The following PADI1 variants were observed in gnomAD, a reference collection of about 807,000 sequenced individuals.
PADI1 encodes protein-arginine deiminase type-1.
A neutral mutation model predicts 74.8 loss-of-function variants in PADI1; 65 were observed. That is an observed-to-expected ratio of 0.87 (90% CI 0.71 to 1.07). The LOEUF (loss-of-function observed/expected upper bound fraction) is 1.07. Ranked by LOEUF, PADI1 falls within the 50% of genes least tolerant of loss-of-function variation. PADI1 has a pLI of 0.00. For missense variants in PADI1, 943 were observed against 854.0 expected (o/e 1.10, Z -1.30); for synonymous variants, 371 against 336.2 (o/e 1.10, Z -1.13).
At chr1:17,240,583 C>A in intron 14 of PADI1, 52 bp from the exon 15 acceptor site, 1 of 1,595,534 alleles carries the variant, frequency 6.3e-7, no homozygotes, top group South Asian at 1.1e-5. Context: ...AGGTGCTTGG[C>A]CAGTGTTATG....
chr1:17,240,318 T>C (rs2072747990), intron 14 of PADI1: 1 of 274,544 alleles, frequency 3.6e-6, no homozygotes, highest in African/African-American at 2.2e-5. Flanking sequence ...TCTCCTAAGC[T>C]GCTGAGAAGG....
chr1:17,222,173 A>G, intron 1 of PADI1, 117 bp from the exon 2 acceptor site: 2 of 689,664 alleles, frequency 2.9e-6, no homozygotes, highest in Non-Finnish European at 5.0e-6. Context: ...CCCCAGCCTG[A>G]CTGTTGAGGG....
Position 17,222,432 on chromosome 1 carries a change from T to C in PADI1, c.235T>C (p.Ser79Pro). Reference sequence around the variant, plus strand: ...AGACACTGATGCAGACATGGTCGTATCTGTGGGCACAGCCAGTAAGGAATT... The same window carrying C: ...AGACACTGATGCAGACATGGTCGTACCTGTGGGCACAGCCAGTAAGGAATT... ...PLDTDADMVV[S>P]VGTASKELKD... Residue 79 changes from serine (S) to proline (P), a missense_variant, in exon 2 of 16, where the codon TCT becomes CCT. Ser to Pro is a moderately conservative substitution (Grantham distance 74). Coordinates refer to ENST00000375471, the MANE Select transcript of PADI1 (RefSeq NM_013358.3). The C allele has an allele frequency of 6.2e-7, 1 of 1,614,120 alleles. No homozygotes were observed. The highest frequency in any genetic ancestry group is 8.5e-7 in the Non-Finnish European group (1 of 1,179,994).
At chr1:17,220,132 T>G (rs2072096398) in intron 1 of PADI1, among the ~76,000 whole-genome samples, 1 of 143,868 alleles carries the variant, frequency 7.0e-6, no homozygotes. Flanking sequence ...GAGTGGGGGA[T>G]GGGGGAGGTG....
intron 10 of PADI1, 53 bp downstream of exon 10, chr1:17,230,732 G>A (rs1465815504): frequency 4.3e-5 from 44 of 1,021,468 alleles, no homozygotes; most frequent in Admixed American, 1.6e-4. Flanking sequence ...TCCTGGAGGC[G>A]CACCAGTGAA....
At position 17,230,180 on chromosome 1, in the gene PADI1, T is replaced by G. The variant is rs796333013; in HGVS notation, c.1025T>G (p.Val342Gly). 1.2e-6 allele frequency: 2 copies of G among 1,614,016 alleles called. No individual in the cohort carries two copies. Among genetic ancestry groups the G allele is most frequent in the South Asian group, 2.2e-5 (2 of 91,076 alleles). The change falls in exon 9 of 16, where the codon GTT becomes GGT. Residue 342 changes from valine (V) to glycine (G), a missense_variant. By Grantham distance (109) the Val-to-Gly change is moderately radical. Transcript: ENST00000375471. The stretch of plus-strand genomic sequence containing the variant: ...TGCAAGCTGACCATCTGCCCTCAAG[T>G]TGAAAATCGAAATGACCGCTGGATC... Reference protein sequence around the residue: ...ANCKLTICPQVENRNDRWIQD... With the variant: ...ANCKLTICPQGENRNDRWIQD...
At chr1:17,226,944 C>T (rs1374175557) in intron 6 of PADI1, among the ~76,000 whole-genome samples, 1 of 151,322 alleles carries the variant, frequency 6.6e-6, no homozygotes, top group Non-Finnish European at 1.5e-5. Context: ...CCAGCTGCTC[C>T]GGAGGTTAAG....
intron 15 of PADI1, among the ~76,000 whole-genome samples, chr1:17,241,379 C>T (rs1269219490): frequency 6.6e-6 from 1 of 152,280 alleles, no homozygotes; most frequent in Non-Finnish European, 1.5e-5. Flanking sequence ...AGGGATGGTC[C>T]CCCGGGATGG....
chr1:17,218,560 T>C (rs1300520827), intron 1 of PADI1, among the ~76,000 whole-genome samples: 1 of 151,994 alleles, frequency 6.6e-6, no homozygotes, highest in Non-Finnish European at 1.5e-5. Context: ...GACAGGTCAA[T>C]GAGGGGAAGA....
chr1:17,244,298 T>C lies in PADI1; in HGVS notation c.*55T>C. On this transcript the variant is annotated 3_prime_UTR_variant, in exon 16 of 16. Transcript: ENST00000375471. Reference sequence around the variant, plus strand: ...CTCTTGCTAGGGAACCCTGCCAGGGTGAAGGCAAGGAACAACCACCTGGCC... The same window carrying C: ...CTCTTGCTAGGGAACCCTGCCAGGGCGAAGGCAAGGAACAACCACCTGGCC... 7.2e-7 allele frequency: 1 copy of C among 1,383,950 alleles called. No individual in the cohort carries two copies. The highest frequency in any genetic ancestry group is 1.0e-6 in the Non-Finnish European group (1 of 970,770). The allele number at this position is 1,383,950 out of a possible 1,614,324, so 85.7% of individuals were successfully genotyped here. A position where few individuals can be genotyped will look rare whatever the true frequency, so the allele number is the denominator to read the frequency against.
chr1:17,213,853 G>T (rs765773416), intron 1 of PADI1, among the ~76,000 whole-genome samples: 2 of 152,184 alleles, frequency 1.3e-5, no homozygotes, highest in African/African-American at 4.8e-5. Context: ...CGCCCTCCGC[G>T]TCTCCTTTTG....
chr1:17,209,161 G>C lies in PADI1; in HGVS notation c.92+3852G>C, dbSNP rs16823615. 7.9e-5 allele frequency among the ~76,000 whole-genome samples: 12 copies of C among 152,252 alleles called. 2 individuals are homozygous for C. The highest frequency in any genetic ancestry group is 5.9e-4 in the Admixed American group (9 of 15,302). On this transcript the variant is annotated intron_variant, in intron 1 of 15. Coordinates refer to ENST00000375471, the MANE Select transcript of PADI1 (RefSeq NM_013358.3). ...TCGAGTAAATTAATGCTTTTAACTC[G>C]CACAGAAGAACAATGAGGCATAATT...
chr1:17,217,013 G>A (rs1350137794), intron 1 of PADI1, among the ~76,000 whole-genome samples: 1 of 140,850 alleles, frequency 7.1e-6, no homozygotes, highest in East Asian at 2.0e-4. Context: ...GAAAGGAGGA[G>A]AGGAGAGGGG....
intron 11 of PADI1, 23 bp downstream of exon 11, chr1:17,232,993 G>T: frequency 6.3e-7 from 1 of 1,578,100 alleles, no homozygotes; most frequent in African/African-American, 1.3e-5. Flanking sequence ...GGCGGGAGGT[G>T]GGGAGGCACA....
chr1:17,208,348 G>T (rs74492804), intron 1 of PADI1, among the ~76,000 whole-genome samples: 49 of 151,864 alleles, frequency 3.2e-4, no homozygotes, highest in African/African-American at 1.2e-3. Flanking sequence ...AGGAATCCTC[G>T]ACTCAGCATG....
chr1:17,240,824 G>C (rs1029417298), intron 15 of PADI1, 64 bp downstream of exon 15: 1 of 1,573,932 alleles, frequency 6.4e-7, no homozygotes, highest in African/African-American at 1.3e-5. Context: ...AGCACTCCCT[G>C]GCCCAGGGCA....
intron 1 of PADI1, among the ~76,000 whole-genome samples, chr1:17,218,601 T>C (rs2072042924): frequency 6.6e-6 from 1 of 152,098 alleles, no homozygotes; most frequent in Non-Finnish European, 1.5e-5. Context: ...TTGGCAACAG[T>C]GGAGTTTCCT....
At chr1:17,230,242 C>A in intron 9 of PADI1, 34 bp downstream of exon 9, 1 of 1,602,072 alleles carries the variant, frequency 6.2e-7, no homozygotes, top group Non-Finnish European at 8.5e-7. Context: ...AAGCCTGCAG[C>A]CTGGCTTGGG....
intron 6 of PADI1, among the ~76,000 whole-genome samples, chr1:17,226,857 G>T (rs1297681486): frequency 1.3e-5 from 2 of 151,924 alleles, no homozygotes; most frequent in East Asian, 1.9e-4. Flanking sequence ...AGAACATCCT[G>T]GCTAACATGG....
Sources: allele counts gnomAD v4.1 joint callset (sites outside exome capture counted in the v4.1 genomes callset), GRCh38; gene constraint gnomAD v4.1.1; transcripts MANE v1.5; gene names NCBI Gene and HGNC (gene_info 2026-07-23, HGNC 2026-07-21).